Variants in ELP4 observed in about 807,000 individuals in gnomAD.
The protein encoded by ELP4 is elongator acetyltransferase complex subunit 4.
ELP4 carries 51 observed loss-of-function variants against 48.9 expected under a neutral mutation model. The observed-to-expected ratio is 1.04, with a 90% confidence interval of 0.83 to 1.32. The LOEUF is 1.32. ELP4 is among the 40% of genes most tolerant of loss of function. The pLI is 0.00. For missense variants in ELP4, 519 were observed against 514.6 expected (o/e 1.01, Z -0.08); for synonymous variants, 210 against 189.2 (o/e 1.11, Z -0.90).
At chr11:31,524,257 G>T (rs1004308804) in intron 2 of ELP4, among the ~76,000 whole-genome samples, 4 of 152,194 alleles carry the variant, frequency 2.6e-5, no homozygotes, top group African/African-American at 9.7e-5. Flanking sequence ...TCCTCAGCAA[G>T]CCTACAATAT....
intron 9 of ELP4, among the ~76,000 whole-genome samples, chr11:31,746,709 AGGGGAACATCACACACC>A (rs897049089): frequency 1.3e-5 from 2 of 152,072 alleles, no homozygotes; most frequent in African/African-American, 4.8e-5. Context: ...GGACACAGGA[AGGGGAACATCACACACC>A]GGGGACTGTT....
intron 3 of ELP4, among the ~76,000 whole-genome samples, chr11:31,570,125 A>C (rs1388648103): frequency 6.6e-6 from 1 of 152,228 alleles, no homozygotes; most frequent in Non-Finnish European, 1.5e-5. Context: ...GCCCGTCAAC[A>C]GTGGACTGAA....
At chr11:31,590,598 A>C (rs1957551413) in intron 3 of ELP4, among the ~76,000 whole-genome samples, 1 of 152,188 alleles carries the variant, frequency 6.6e-6, no homozygotes, top group South Asian at 2.1e-4. Context: ...GTTATAAAGA[A>C]ATGCCTGGGT....
chr11:31,710,530 CAGG>C (rs1442021374), intron 9 of ELP4, among the ~76,000 whole-genome samples: 2 of 150,856 alleles, frequency 1.3e-5, no homozygotes, highest in African/African-American at 4.9e-5. Flanking sequence ...GAGGCTGAGA[CAGG>C]AGAATTGCTT....
chr11:31,743,196 A>C (rs1947497850), intron 9 of ELP4, among the ~76,000 whole-genome samples: 1 of 152,244 alleles, frequency 6.6e-6, no homozygotes, highest in South Asian at 2.1e-4. Flanking sequence ...AGAAGAGCTA[A>C]CTATCCCAAA....
At chr11:31,691,649 A>G (rs1165358647) in intron 9 of ELP4, among the ~76,000 whole-genome samples, 3 of 152,172 alleles carry the variant, frequency 2.0e-5, no homozygotes, top group Non-Finnish European at 4.4e-5. Context: ...TAACCTTACC[A>G]AATAGAATGG....
intron 2 of ELP4, among the ~76,000 whole-genome samples, chr11:31,537,842 C>A (rs1956526394): frequency 6.6e-6 from 1 of 152,106 alleles, no homozygotes; most frequent in South Asian, 2.1e-4. Flanking sequence ...AGACCCAAAC[C>A]ATATCACCTG....
At position 31,579,524 on chromosome 11, in the gene ELP4, G is replaced by T. The variant is rs978699009; in HGVS notation, c.382-15246G>T. Among the ~76,000 whole-genome samples the T allele has an allele frequency of 3.9e-5, 6 of 152,138 alleles. No individual in the cohort carries two copies. The East Asian group carries it at 7.7e-4, about 20-fold the overall frequency. The stretch of plus-strand genomic sequence containing the variant: ...GGCACTTTTCGCAATAGCAAAGACT[G>T]GGAACCAACCCAGATGTCCACCAAT... On this transcript the variant is annotated intron_variant, in intron 3 of 9. Transcript: ENST00000640961.
chr11:31,772,060 C>G (rs181591514), intron 9 of ELP4, among the ~76,000 whole-genome samples: 36 of 152,030 alleles, frequency 2.4e-4, no homozygotes, highest in African/African-American at 8.7e-4. Context: ...TCCCAGCCAG[C>G]ATCATATCAC....
At chr11:31,753,919 G>A (rs566208915) in intron 9 of ELP4, among the ~76,000 whole-genome samples, 1 of 152,288 alleles carries the variant, frequency 6.6e-6, no homozygotes, top group African/African-American at 2.4e-5. Flanking sequence ...GTAGTGGAGA[G>A]ATACACAGGA....
chr11:31,666,893 A>G (rs565712209), intron 9 of ELP4, among the ~76,000 whole-genome samples: 12 of 152,298 alleles, frequency 7.9e-5, no homozygotes, highest in African/African-American at 2.6e-4. Context: ...AAGAGTGATT[A>G]AAAGACTTAC....
At position 31,517,865 on chromosome 11, in the gene ELP4, G is replaced by A. The variant is rs540112351; in HGVS notation, c.224-2191G>A. On this transcript the variant is annotated intron_variant, in intron 1 of 9. Transcript: ENST00000640961. ...GAGCTCCTGACCTCATGATCCACCCGTATTGGCCTCCCAAAGTGCTGGGAT... is the reference window on the plus strand; with the variant it reads ...GAGCTCCTGACCTCATGATCCACCCATATTGGCCTCCCAAAGTGCTGGGAT... Among the ~76,000 whole-genome samples, 15 of 151,966 alleles carry A rather than the reference G, an allele frequency of 9.9e-5. No homozygotes were observed. In the East Asian group the frequency reaches 1.2e-3, roughly 12 times the overall value.
intron 9 of ELP4, among the ~76,000 whole-genome samples, chr11:31,664,946 A>G (rs915320963): frequency 6.6e-6 from 1 of 152,182 alleles, no homozygotes; most frequent in Admixed American, 6.5e-5. Flanking sequence ...AAGTATTTCC[A>G]AGCTGTAGTA....
At chr11:31,554,568 C>A (rs1164581855) in intron 3 of ELP4, among the ~76,000 whole-genome samples, 1 of 151,994 alleles carries the variant, frequency 6.6e-6, no homozygotes, top group Non-Finnish European at 1.5e-5. Flanking sequence ...TACATAGTTA[C>A]CATTTTTGGT....
chr11:31,741,877 C>T (rs550687039), intron 9 of ELP4, among the ~76,000 whole-genome samples: 4 of 152,272 alleles, frequency 2.6e-5, no homozygotes, highest in South Asian at 4.1e-4. Context: ...TCACCAGCAA[C>T]GGAACAAAGC....
chr11:31,642,862 G>A (rs1392645689), intron 7 of ELP4, among the ~76,000 whole-genome samples: 1 of 151,828 alleles, frequency 6.6e-6, no homozygotes, highest in Non-Finnish European at 1.5e-5. Flanking sequence ...AGTTAAAAAT[G>A]TAGTATAAAT....
chr11:31,701,263 G>A lies in ELP4; in HGVS notation c.1143+51042G>A, dbSNP rs528871821. ...AAATAAAACTTTTTGGATATTTTCTGTTATATAGCCAATATAAAGTCCATT... is the reference window on the plus strand; with the variant it reads ...AAATAAAACTTTTTGGATATTTTCTATTATATAGCCAATATAAAGTCCATT... On this transcript the variant is annotated intron_variant, in intron 9 of 9. Transcript: ENST00000640961. Among the ~76,000 whole-genome samples the A allele has an allele frequency of 7.9e-5, 12 of 152,002 alleles. No individual in the cohort carries two copies. In the South Asian group the frequency reaches 1.5e-3, roughly 18 times the overall value.
In ELP4 at chr11:31,533,368, C is replaced by CTTTTTTT. The variant is rs71060492; in HGVS notation, c.260-6273_260-6267dup. On this transcript the variant is annotated intron_variant, in intron 2 of 9. Coordinates refer to ENST00000640961, the MANE Select transcript of ELP4 (RefSeq NM_019040.5). ...GTGTTGCTGCAAAAGCCATCTCATT[C>CTTTTTTT]TTTTTTTTTTTTTTTTTTTTTTTTT... Among the ~76,000 whole-genome samples the CTTTTTTT allele has an allele frequency of 1.3e-3, 68 of 50,474 alleles. 11 individuals carry two copies. The highest frequency in any genetic ancestry group is 4.6e-3 in the African/African-American group (55 of 11,898). 33.1% of individuals were successfully genotyped at this position (50,474 alleles called of 152,430 possible).
chr11:31,687,223 A>G (rs1946179461), intron 9 of ELP4, among the ~76,000 whole-genome samples: 1 of 152,180 alleles, frequency 6.6e-6, no homozygotes, highest in South Asian at 2.1e-4. Context: ...GGATGTGTGA[A>G]TTTGTTCTAA....
Sources: gnomAD v4.1 joint callset for allele counts (sites outside exome capture counted in the v4.1 genomes callset) on GRCh38, gnomAD v4.1.1 for gene constraint, MANE v1.5 for transcripts, NCBI Gene and HGNC (gene_info 2026-07-23, HGNC 2026-07-21) for gene names.